The following CERKL variants were observed in gnomAD, a reference collection of about 807,000 sequenced individuals.
CERKL encodes the protein CERK like autophagy regulator.
CERKL carries 61 observed loss-of-function variants against 63.4 expected under a neutral mutation model. The observed-to-expected ratio is 0.96, with a 90% confidence interval of 0.78 to 1.19. The LOEUF (loss-of-function observed/expected upper bound fraction) is 1.19, where lower values mean the gene tolerates loss of function less well. CERKL is among the 50% of genes most tolerant of loss of function. The pLI, the probability that CERKL is intolerant of heterozygous loss-of-function variation, is 0.00. For synonymous variants in CERKL, 250 were observed against 230.5 expected, an observed-to-expected ratio of 1.08 and a Z score of -0.77; for missense variants, 675 against 655.5, an observed-to-expected ratio of 1.03 and a Z score of -0.33.
chr2:181,629,996 C>T (rs1686883799), intron 1 of CERKL, among the ~76,000 whole-genome samples: 1 of 149,644 alleles, frequency 6.7e-6, no homozygotes, highest in Non-Finnish European at 1.5e-5. Context: ...AGCCTCACCT[C>T]ACTATTAATA....
chr2:181,637,888 C>T (rs917721919), intron 1 of CERKL, among the ~76,000 whole-genome samples: 4 of 152,010 alleles, frequency 2.6e-5, no homozygotes, highest in African/African-American at 9.7e-5. Context: ...GACTACACCT[C>T]CCTAGTAGTG....
At chr2:181,598,737 C>T (rs1393785544) in intron 2 of CERKL, among the ~76,000 whole-genome samples, 2 of 152,120 alleles carry the variant, frequency 1.3e-5, no homozygotes, top group Non-Finnish European at 2.9e-5. Flanking sequence ...AAATCCAATA[C>T]ATTGCTACAA....
rs528535697 is a variant in CERKL, at chr2:181,605,074, C to T, written c.239-995G>A. Among the ~76,000 whole-genome samples, 9 of 152,236 alleles carry T rather than the reference C, an allele frequency of 5.9e-5. No homozygotes were observed. In the South Asian group the frequency reaches 1.7e-3, roughly 28 times the overall value. On this transcript the variant is annotated intron_variant, in intron 1 of 12. Coordinates refer to ENST00000410087, the MANE Select transcript of CERKL (RefSeq NM_201548.5). ...TAAAACTACAAAAGCACACAAGATA[C>T]GTGAAACAGTAGTTTTCAGACATTG...
In CERKL at chr2:181,538,206, A is replaced by T; in HGVS notation, c.1577T>A (p.Met526Lys). Residue 526 changes from methionine to lysine, a missense_variant, in exon 13 of 13, where the codon ATG becomes AAG. By Grantham distance (95) the Met-to-Lys change is moderately conservative. Transcript: ENST00000410087. ...ATGTTACTTTGGAATCATTTCTTCC[A>T]TGCTTCCTCCATAAAGACTGATAAG... Reference protein sequence around the residue: ...PRLISLYGGSMEEMIPK With the variant: ...PRLISLYGGSKEEMIPK 6.3e-7 allele frequency: 1 copy of T among 1,586,254 alleles called. No homozygotes were observed. The highest frequency in any genetic ancestry group is 8.7e-7 in the Non-Finnish European group (1 of 1,155,794).
intron 1 of CERKL, among the ~76,000 whole-genome samples, chr2:181,640,905 T>A (rs1447141467): frequency 6.6e-6 from 1 of 152,170 alleles, no homozygotes; most frequent in Non-Finnish European, 1.5e-5. Flanking sequence ...CTGTGCCAGT[T>A]CCAGCCCCAG....
rs1419331265 is a variant in CERKL, at chr2:181,603,848, T to C, written c.470A>G (p.Lys157Arg). The change falls in exon 2 of 13, where the codon AAA (lysine) becomes AGA (arginine). Residue 157 changes from lysine to arginine, a missense_variant. Coordinates refer to ENST00000410087, the MANE Select transcript of CERKL (RefSeq NM_201548.5). ...TGAGGAGTACTTACCTGCCAATATT[T>C]TCTTGAACTGTCTAAACCATATGTC... ...HCDIWFRQFK[K>R]ILAGFPNRPK... 1.2e-6 allele frequency: 2 copies of C among 1,613,314 alleles called. No homozygotes were observed. The highest frequency in any genetic ancestry group is 1.7e-6 in the Non-Finnish European group (2 of 1,179,598).
intron 2 of CERKL, among the ~76,000 whole-genome samples, chr2:181,577,980 C>A (rs927047719): frequency 1.3e-5 from 2 of 152,152 alleles, no homozygotes; most frequent in Non-Finnish European, 2.9e-5. Flanking sequence ...ATACTTTTCA[C>A]CAAGTGACCT....
At position 181,550,635 on chromosome 2, in the gene CERKL, C is replaced by T. The variant is rs1386130348; in HGVS notation, c.821-927G>A. On this transcript the variant is annotated intron_variant, in intron 5 of 12. Transcript: ENST00000410087. The surrounding 1 kb of genome is among the most constrained non-coding windows in gnomAD (Gnocchi z 4.5). ...TCCGGTTATGAAGGCAAAGACCAGT[C>T]CTCTGGATTTTGTTAATCAGAAGCA... Among the ~76,000 whole-genome samples the T allele has an allele frequency of 6.6e-6, 1 of 152,112 alleles. No individual in the cohort carries two copies. Among genetic ancestry groups the T allele is most frequent in the Non-Finnish European group, 1.5e-5 (1 of 68,008 alleles).
At chr2:181,636,831 C>G (rs1345213917) in intron 1 of CERKL, among the ~76,000 whole-genome samples, 1 of 152,148 alleles carries the variant, frequency 6.6e-6, no homozygotes, top group Non-Finnish European at 1.5e-5. Flanking sequence ...ATGATTTTCT[C>G]CTTTACCTAT....
intron 1 of CERKL, among the ~76,000 whole-genome samples, chr2:181,655,742 ATTTT>A (rs926123718): frequency 2.8e-4 from 42 of 152,148 alleles, no homozygotes; most frequent in African/African-American, 9.4e-4. Context: ...GGGGAAGGCA[ATTTT>A]TTTAATTTCA....
intron 2 of CERKL, among the ~76,000 whole-genome samples, chr2:181,582,597 G>A (rs960255732): frequency 4.7e-5 from 7 of 150,266 alleles, no homozygotes; most frequent in African/African-American, 1.2e-4. Flanking sequence ...AGTGGCTGGC[G>A]GGATCTTGGC....
At chr2:181,596,917 A>G (rs558019865) in intron 2 of CERKL, among the ~76,000 whole-genome samples, 1 of 152,320 alleles carries the variant, frequency 6.6e-6, no homozygotes, top group East Asian at 1.9e-4. Context: ...CTAAAAAGTG[A>G]TATTCATGTG....
intron 1 of CERKL, among the ~76,000 whole-genome samples, chr2:181,623,565 A>T (rs1686550733): frequency 6.6e-6 from 1 of 152,226 alleles, no homozygotes; most frequent in East Asian, 1.9e-4. Flanking sequence ...AATATCGTTA[A>T]TTGGAAACCT....
intron 1 of CERKL, among the ~76,000 whole-genome samples, chr2:181,624,200 G>A (rs1686580656): frequency 6.6e-6 from 1 of 152,068 alleles, no homozygotes; most frequent in Admixed American, 6.6e-5. Flanking sequence ...TGCTGAACAT[G>A]CAGAAGAACG....
chr2:181,547,779 A>G (rs952733964), intron 9 of CERKL, 43 bp downstream of exon 9: 5 of 1,613,864 alleles, frequency 3.1e-6, no homozygotes, highest in African/African-American at 1.3e-5. Flanking sequence ...CAAAATGTCA[A>G]CAGAACCTGG....
chr2:181,538,881 A>C (rs919036074), intron 12 of CERKL, among the ~76,000 whole-genome samples: 1 of 152,218 alleles, frequency 6.6e-6, no homozygotes, highest in African/African-American at 2.4e-5. Flanking sequence ...TAACCAAAGA[A>C]AATGCCTTGG....
chr2:181,561,280 C>T (rs1353673243), intron 4 of CERKL, among the ~76,000 whole-genome samples: 3 of 151,900 alleles, frequency 2.0e-5, no homozygotes, highest in African/African-American at 7.3e-5. Context: ...CATGGTGGTG[C>T]ATGCCTGTAA....
At chr2:181,641,324 T>TGTGTATGC (rs1687421579) in intron 1 of CERKL, among the ~76,000 whole-genome samples, 1 of 108,694 alleles carries the variant, frequency 9.2e-6, no homozygotes, top group African/African-American at 4.8e-5. Context: ...TATATATATA[T>TGTGTATGC]ATATATATAT....
intron 10 of CERKL, among the ~76,000 whole-genome samples, chr2:181,547,074 G>A (rs879812441): frequency 5.9e-5 from 9 of 152,070 alleles, no homozygotes; most frequent in Non-Finnish European, 1.2e-4. Context: ...CTTGTCTGCC[G>A]CCATGTGAGA....
Sources: allele counts gnomAD v4.1 joint callset (sites outside exome capture counted in the v4.1 genomes callset), GRCh38; gene constraint gnomAD v4.1.1; non-coding constraint Gnocchi (gnomAD v3.1); transcripts MANE v1.5; gene names NCBI Gene and HGNC (gene_info 2026-07-23, HGNC 2026-07-21).